The following ZFHX3 variants were observed in gnomAD, a reference collection of about 807,000 sequenced individuals.
ZFHX3 encodes zinc finger homeobox protein 3.
In ZFHX3, 42 loss-of-function variants were observed where a neutral mutation model predicts 279.1. That is an observed-to-expected ratio of 0.15 (90% CI 0.12 to 0.19). The LOEUF (loss-of-function observed/expected upper bound fraction) is 0.19. Ranked by LOEUF, ZFHX3 falls within the 10% of genes least tolerant of loss-of-function variation. ZFHX3 has a pLI of 1.00. For synonymous variants in ZFHX3, 2,293 were observed against 1,957.8 expected, an observed-to-expected ratio of 1.17 and a Z score of -4.52; for missense variants, 4,981 against 4,754.0, an observed-to-expected ratio of 1.05 and a Z score of -1.40.
intron 5 of ZFHX3, among the ~76,000 whole-genome samples, chr16:73,205,070 G>A (rs766271808): frequency 2.6e-5 from 4 of 152,140 alleles, no homozygotes; most frequent in Non-Finnish European, 4.4e-5. Flanking sequence ...GTGGAATAAC[G>A]AGTGTGGGCT....
rs116501257 is a variant in ZFHX3 at position 73,534,362 on chromosome 16, C to T, written c.-1546-78104G>A. 8.5e-3 allele frequency among the ~76,000 whole-genome samples: 1,292 copies of T among 152,260 alleles called. 23 individuals are homozygous for T. The highest frequency in any genetic ancestry group is 0.028 in the African/African-American group (1,159 of 41,542). ...TCTCAATGAGTTCTACCCTAACCAT[C>T]CCATTTAAAATTGCAACCTGCCACC... is the stretch of plus-strand genomic sequence containing the variant. On this transcript the variant is annotated intron_variant, in intron 2 of 17. Transcript: ENST00000641206.
At chr16:73,024,263 G>A (rs1399320100) in intron 1 of ZFHX3, among the ~76,000 whole-genome samples, 3 of 152,094 alleles carry the variant, frequency 2.0e-5, no homozygotes, top group African/African-American at 4.8e-5. Flanking sequence ...AGGGAGGGGC[G>A]AAAGAAGAGA....
intron 2 of ZFHX3, among the ~76,000 whole-genome samples, chr16:73,674,605 A>C (rs2052935515): frequency 6.6e-6 from 1 of 152,214 alleles, no homozygotes. Context: ...CCCTTGCAAT[A>C]GGACATGACA....
chr16:73,175,273 G>A (rs1001919444), intron 5 of ZFHX3, among the ~76,000 whole-genome samples: 10 of 151,638 alleles, frequency 6.6e-5, no homozygotes, highest in African/African-American at 2.2e-4. Flanking sequence ...CCAGCTACTT[G>A]AGATGCTGAG....
At position 73,048,087 on chromosome 16, in the gene ZFHX3, T is replaced by G. The variant is rs1301273193; in HGVS notation, c.-385A>C. ...CCCCGGCCTGCCCGCCGCCGCCGCC[T>G]CCTCCTCTGCCGCCGCCCGCCCGGA... On this transcript the variant is annotated 5_prime_UTR_variant, in exon 1 of 10. Transcript: ENST00000268489. 1.1e-4 allele frequency: 17 copies of G among 152,126 alleles called. No individual in the cohort carries two copies. The South Asian group carries it at 2.2e-3, about 19-fold the overall frequency. 9.4% of individuals were successfully genotyped at this position (152,126 alleles called of 1,614,324 possible).
chr16:72,807,541 C>A (rs986334159), intron 7 of ZFHX3: 1 of 152,202 alleles, frequency 6.6e-6, no homozygotes, highest in African/African-American at 2.4e-5. Context: ...TTCCTGAAAG[C>A]TGTCTGATAA....
intron 1 of ZFHX3, among the ~76,000 whole-genome samples, chr16:73,891,423 G>A (rs1347501837): frequency 2.6e-5 from 4 of 152,190 alleles, no homozygotes; most frequent in East Asian, 1.9e-4. Flanking sequence ...CTTAAGCAGG[G>A]AAGAAGTTAG....
rs1014140163 is a variant in ZFHX3, at chr16:73,881,525, G to A, written c.-1608+10126C>T. On this transcript the variant is annotated intron_variant, in intron 1 of 17. Coordinates refer to the ZFHX3 transcript ENST00000641206. ...CCATGGTTACTGCTACTCTAAGCAG[G>A]CCCTTGGAGTCCAAAGAGAAAGTGT... is the stretch of plus-strand genomic sequence containing the variant. 9.9e-5 allele frequency among the ~76,000 whole-genome samples: 13 copies of A among 131,068 alleles called. No homozygotes were observed. In the East Asian group the frequency reaches 2.5e-3, roughly 25 times the overall value. The allele number at this position is 131,068 out of a possible 152,430, so 86.0% of individuals were successfully genotyped here. A position where few individuals can be genotyped will look rare whatever the true frequency, so the allele number is the denominator to read the frequency against.
chr16:72,919,360 C>A (rs1274981925), intron 3 of ZFHX3, among the ~76,000 whole-genome samples: 4 of 151,906 alleles, frequency 2.6e-5, no homozygotes, highest in Non-Finnish European at 4.4e-5. Flanking sequence ...GGGGTTTCAC[C>A]ATGCTACGCA....
chr16:72,877,360 CTGTTGTTGT>C (rs202232377), intron 4 of ZFHX3, among the ~76,000 whole-genome samples: 6,539 of 100,962 alleles, frequency 0.065, 297 homozygotes, highest in African/African-American at 0.18. Context: ...GTAGGTTTTT[CTGTTGTTGT>C]TGTTGGTGTT....
intron 1 of ZFHX3, among the ~76,000 whole-genome samples, chr16:73,857,180 T>G (rs1961754309): frequency 6.6e-6 from 1 of 152,226 alleles, no homozygotes; most frequent in Non-Finnish European, 1.5e-5. Context: ...CAGAGTTTTA[T>G]CTCATAAAAC....
chr16:73,426,596 G>A (rs13337396), intron 3 of ZFHX3, among the ~76,000 whole-genome samples: 3,075 of 152,142 alleles, frequency 0.02, 102 homozygotes, highest in South Asian at 0.11. Context: ...GTGTGTGTGT[G>A]AGAGAGAGAG....
chr16:72,868,953 G>C (rs1757555628), intron 4 of ZFHX3, among the ~76,000 whole-genome samples: 1 of 150,666 alleles, frequency 6.6e-6, no homozygotes, highest in African/African-American at 2.4e-5. Context: ...ACGATGATTT[G>C]ACATGAAAGG....
At chr16:73,045,126 T>C (rs1024974891) in intron 1 of ZFHX3, among the ~76,000 whole-genome samples, 13 of 152,192 alleles carry the variant, frequency 8.5e-5, no homozygotes, top group African/African-American at 2.7e-4. Flanking sequence ...TGATACTTTG[T>C]AGGTGGAAGA....
intron 4 of ZFHX3, among the ~76,000 whole-genome samples, chr16:72,854,543 C>T (rs1354341832): frequency 6.6e-6 from 1 of 152,140 alleles, no homozygotes; most frequent in African/African-American, 2.4e-5. Context: ...TTCTGGGTCC[C>T]AAGAACGACT....
chr16:73,427,762 T>C (rs374192312), intron 3 of ZFHX3, among the ~76,000 whole-genome samples: 39 of 151,598 alleles, frequency 2.6e-4, no homozygotes, highest in South Asian at 4.2e-4. Context: ...GGTGAAACCC[T>C]GTCTCTACTA....
intron 2 of ZFHX3, among the ~76,000 whole-genome samples, chr16:73,494,635 A>G (rs758919094): frequency 2.7e-5 from 4 of 150,512 alleles, no homozygotes; most frequent in Middle Eastern, 6.9e-3. Context: ...ATCTCGGCTC[A>G]CCGCAACCTC....
In ZFHX3 at chr16:72,845,082, C is replaced by T. The variant is rs143730791; in HGVS notation, c.3449-15223G>A. Among the ~76,000 whole-genome samples, 43 of 152,192 alleles carry T rather than the reference C, an allele frequency of 2.8e-4. No individual in the cohort carries two copies. The East Asian group carries it at 6.2e-3, about 22-fold the overall frequency. On this transcript the variant is annotated intron_variant, in intron 4 of 9. Coordinates refer to ENST00000268489, the MANE Select transcript of ZFHX3 (RefSeq NM_006885.4). ...GGCAGGTTCCTGCTCCTCCGTGTGGCGGAAAAGAGGGCAAGGTGCGGACAC... is the reference window on the plus strand; with the variant it reads ...GGCAGGTTCCTGCTCCTCCGTGTGGTGGAAAAGAGGGCAAGGTGCGGACAC...
intron 5 of ZFHX3, among the ~76,000 whole-genome samples, chr16:73,215,336 T>G (rs1010274986): frequency 6.6e-6 from 1 of 152,184 alleles, no homozygotes; most frequent in Non-Finnish European, 1.5e-5. Context: ...TCATCCTTTC[T>G]CCACCCCTTC....
Sources: gnomAD v4.1 joint callset for allele counts (sites outside exome capture counted in the v4.1 genomes callset) on GRCh38, gnomAD v4.1.1 for gene constraint, MANE v1.5 for transcripts, NCBI Gene and HGNC (gene_info 2026-07-23, HGNC 2026-07-21) for gene names.